The following TAOK1 variants were observed in gnomAD, a reference collection of about 807,000 sequenced individuals.
TAOK1 encodes serine/threonine-protein kinase TAO1.
TAOK1 carries 21 observed loss-of-function variants against 138.3 expected under a neutral mutation model. That is an observed-to-expected ratio of 0.15 (90% confidence interval 0.11 to 0.22). The LOEUF is 0.22. Among genes scored for constraint, TAOK1 ranks in the 10% least tolerant of loss-of-function variants. TAOK1 has a pLI of 1.00. For synonymous variants in TAOK1, 361 were observed against 398.4 expected (o/e 0.91, Z 1.12); for missense variants, 651 against 1,227.7 (o/e 0.53, Z 7.02).
chr17:29,408,910 A>G (rs978383160), intron 1 of TAOK1, among the ~76,000 whole-genome samples: 2 of 151,384 alleles, frequency 1.3e-5, no homozygotes, highest in African/African-American at 4.9e-5. Context: ...ACGGGGTTTC[A>G]CTGTATTGCC....
At position 29,507,892 on chromosome 17, in the gene TAOK1, C is replaced by G; in HGVS notation, c.1339-4C>G. 3 of 1,611,320 alleles carry G rather than the reference C, an allele frequency of 1.9e-6. No individual in the cohort carries two copies. The highest frequency in any genetic ancestry group is 2.5e-6 in the Non-Finnish European group (3 of 1,178,520). ...TCTTTTCCTTACATTATTTGTATGT[C>G]TAGGTTACGAGGCAAATGCAAGAAC... is the stretch of plus-strand genomic sequence containing the variant. On this transcript the variant is annotated splice_region_variant and splice_polypyrimidine_tract_variant and intron_variant, in intron 13 of 19. Transcript: ENST00000261716.
intron 6 of TAOK1, among the ~76,000 whole-genome samples, chr17:29,478,807 T>C (rs1413280116): frequency 6.6e-6 from 1 of 152,164 alleles, no homozygotes; most frequent in Non-Finnish European, 1.5e-5. Flanking sequence ...ATTCCATTGA[T>C]TCTATGACAT....
intron 17 of TAOK1, among the ~76,000 whole-genome samples, chr17:29,529,350 G>A (rs1386269903): frequency 6.6e-6 from 1 of 152,104 alleles, no homozygotes; most frequent in Non-Finnish European, 1.5e-5. Flanking sequence ...TGTACTTTTA[G>A]GGGCTGAGGT....
chr17:29,498,589 A>C, intron 12 of TAOK1, 68 bp downstream of exon 12: 1 of 1,557,014 alleles, frequency 6.4e-7, no homozygotes, highest in Non-Finnish European at 8.8e-7. Flanking sequence ...TGTTAGTTTA[A>C]GAGAAGGAAG....
At chr17:29,414,963 T>A (rs1905233920) in intron 1 of TAOK1, among the ~76,000 whole-genome samples, 1 of 152,104 alleles carries the variant, frequency 6.6e-6, no homozygotes, top group Non-Finnish European at 1.5e-5. Context: ...TTTATACCTT[T>A]TTTTTGCTCG....
intron 9 of TAOK1, among the ~76,000 whole-genome samples, chr17:29,491,437 A>G (rs977059805): frequency 3.9e-5 from 6 of 152,164 alleles, no homozygotes; most frequent in African/African-American, 1.4e-4. Context: ...AGAAAGGCTT[A>G]GCAAAAAGGA....
In TAOK1 at chr17:29,429,621, A is replaced by G. The variant is rs201491564; in HGVS notation, c.-94-21834A>G. On this transcript the variant is annotated intron_variant, in intron 1 of 19. Coordinates refer to ENST00000261716, the MANE Select transcript of TAOK1 (RefSeq NM_020791.4). The stretch of plus-strand genomic sequence containing the variant: ...TTAAATAACCATGGTACATTTGTCA[A>G]TGCTAACAAGTTAACATTGTTACAA... Among the ~76,000 whole-genome samples the G allele has an allele frequency of 2.4e-4, 37 of 152,294 alleles. No homozygotes were observed. In the East Asian group the frequency reaches 5.8e-3, roughly 24 times the overall value.
chr17:29,409,480 G>A (rs1461587760), intron 1 of TAOK1, among the ~76,000 whole-genome samples: 8 of 151,092 alleles, frequency 5.3e-5, no homozygotes, highest in Non-Finnish European at 1.2e-4. Flanking sequence ...GACTACAGGC[G>A]TCCGCACCAT....
intron 9 of TAOK1, among the ~76,000 whole-genome samples, chr17:29,491,524 G>A (rs1298973484): frequency 6.6e-6 from 1 of 152,074 alleles, no homozygotes; most frequent in Non-Finnish European, 1.5e-5. Flanking sequence ...CCTCGATATA[G>A]TAATATGAGT....
Position 29,499,713 on chromosome 17 carries a change from C to T in TAOK1, c.1203+1192C>T, listed in dbSNP as rs2031490070. On this transcript the variant is annotated intron_variant, in intron 12 of 19. Coordinates refer to ENST00000261716, the MANE Select transcript of TAOK1 (RefSeq NM_020791.4). ...TAGCTGGGATTACAGGTGTGCACCA[C>T]TATGCCCAGCTAATTTTTTGTATTT... 2.0e-5 allele frequency among the ~76,000 whole-genome samples: 3 copies of T among 151,834 alleles called. No individual in the cohort carries two copies. The South Asian group carries it at 6.2e-4, about 32-fold the overall frequency.
chr17:29,405,866 A>G (rs1207235758), intron 1 of TAOK1, among the ~76,000 whole-genome samples: 1 of 152,150 alleles, frequency 6.6e-6, no homozygotes, highest in Non-Finnish European at 1.5e-5. Flanking sequence ...TATTTCTTAT[A>G]TTTTTTGAGT....
At chr17:29,427,282 A>C (rs1905670946) in intron 1 of TAOK1, among the ~76,000 whole-genome samples, 1 of 152,316 alleles carries the variant, frequency 6.6e-6, no homozygotes, top group Non-Finnish European at 1.5e-5. Context: ...AGGAAGATTG[A>C]GTAATTCTTT....
chr17:29,532,337 CTTTT>C (rs1197678620), intron 18 of TAOK1, among the ~76,000 whole-genome samples: 1 of 143,880 alleles, frequency 7.0e-6, no homozygotes, highest in Admixed American at 7.4e-5. Flanking sequence ...CTAGGTTTTT[CTTTT>C]TTGTTTGTTT....
At position 29,448,453 on chromosome 17, in the gene TAOK1, G is replaced by T. The variant is rs187797499; in HGVS notation, c.-94-3002G>T. Among the ~76,000 whole-genome samples, 11 of 152,230 alleles carry T rather than the reference G, an allele frequency of 7.2e-5. No individual in the cohort carries two copies. In the East Asian group the frequency reaches 2.1e-3, roughly 29 times the overall value. On this transcript the variant is annotated intron_variant, in intron 1 of 19. Coordinates refer to ENST00000261716, the MANE Select transcript of TAOK1 (RefSeq NM_020791.4). Reference sequence around the variant, plus strand: ...TTTATTTCTTCTCCTTTAACTGTGTGTGTTAAATTCCAAGATAGACATACA... The same window carrying T: ...TTTATTTCTTCTCCTTTAACTGTGTTTGTTAAATTCCAAGATAGACATACA...
At chr17:29,491,048 T>C (rs1488528068) in intron 9 of TAOK1, among the ~76,000 whole-genome samples, 2 of 152,190 alleles carry the variant, frequency 1.3e-5, no homozygotes, top group Non-Finnish European at 2.9e-5. Context: ...AAACCATAGT[T>C]GATACATATA....
intron 1 of TAOK1, among the ~76,000 whole-genome samples, chr17:29,432,003 CGAGACCAGCTCCGTGTGCG>C (rs1192241609): frequency 1.3e-5 from 2 of 151,836 alleles, no homozygotes; most frequent in African/African-American, 2.4e-5. Context: ...AGATGGGTGC[CGAGACCAGCTCCGTGTGCG>C]GAGACCAGCT....
intron 4 of TAOK1, 96 bp from the exon 5 acceptor site, chr17:29,477,565 A>G (rs2030973200): frequency 1.7e-6 from 1 of 588,370 alleles, no homozygotes; most frequent in South Asian, 5.7e-5. Context: ...ACTTCAAACT[A>G]TGTTCTTGAT....
intron 2 of TAOK1, among the ~76,000 whole-genome samples, chr17:29,457,402 C>CTTTTTTTT (rs769026325): frequency 2.6e-5 from 2 of 76,596 alleles, no homozygotes; most frequent in Non-Finnish European, 4.6e-5. Context: ...CACCCCAGGC[C>CTTTTTTTT]TTTTTTTTTT....
At chr17:29,494,623 G>A (rs1263221055) in intron 10 of TAOK1, among the ~76,000 whole-genome samples, 1 of 151,994 alleles carries the variant, frequency 6.6e-6, no homozygotes, top group Non-Finnish European at 1.5e-5. Context: ...TCAGGAGATC[G>A]AGACCATCCT....
Sources: gnomAD v4.1 joint callset for allele counts (sites outside exome capture counted in the v4.1 genomes callset) on GRCh38, gnomAD v4.1.1 for gene constraint, MANE v1.5 for transcripts, NCBI Gene and HGNC (gene_info 2026-07-23, HGNC 2026-07-21) for gene names.